Variants in CUX1 observed in about 807,000 individuals in gnomAD.
The protein encoded by CUX1 is protein CASP.
Under a neutral mutation model 158.8 loss-of-function variants are expected in CUX1, and 31 were observed. That is an observed-to-expected ratio of 0.20 (90% CI 0.15 to 0.26). The LOEUF is 0.26. Ranked by LOEUF, CUX1 falls within the 10% of genes least tolerant of loss-of-function variation. CUX1 has a pLI of 1.00. For missense variants in CUX1, 1,589 were observed against 2,014.6 expected (o/e 0.79, Z 4.04); for synonymous variants, 879 against 862.1 (o/e 1.02, Z -0.34).
chr7:102,143,585 G>T (rs1834696989), intron 8 of CUX1, among the ~76,000 whole-genome samples: 1 of 151,812 alleles, frequency 6.6e-6, no homozygotes, highest in African/African-American at 2.4e-5. Context: ...ATCATTTTCT[G>T]TGTCAAAGAA....
chr7:102,011,064 G>A (rs920847789), intron 2 of CUX1, among the ~76,000 whole-genome samples: 1 of 151,924 alleles, frequency 6.6e-6, no homozygotes, highest in African/African-American at 2.4e-5. Context: ...AGTGAGCCAA[G>A]ATCATGCCAT....
chr7:101,880,248 C>A (rs1016510508), intron 1 of CUX1, among the ~76,000 whole-genome samples: 3 of 152,146 alleles, frequency 2.0e-5, no homozygotes, highest in African/African-American at 7.2e-5. Flanking sequence ...TCAGAAAGTT[C>A]TCTTCCTGCT....
At position 101,842,967 on chromosome 7, in the gene CUX1, AC is replaced by A. The variant is rs1795326682; in HGVS notation, c.30+25300del. Among the ~76,000 whole-genome samples the A allele has an allele frequency of 2.1e-5, 3 of 143,894 alleles. No individual in the cohort carries two copies. The South Asian group carries it at 6.5e-4, about 31-fold the overall frequency. 94.4% of individuals were successfully genotyped at this position (143,894 alleles called of 152,430 possible). On this transcript the variant is annotated intron_variant, in intron 1 of 23. Coordinates refer to ENST00000292535, the MANE Select transcript of CUX1 (RefSeq NM_181552.4). Reference sequence around the variant, plus strand: ...GGCTCACTCCACCTCCCGGGTTCACACCATTCTCCTGCCTCAGCCTCCTGAG... The same window carrying A: ...GGCTCACTCCACCTCCCGGGTTCACACATTCTCCTGCCTCAGCCTCCTGAG...
At chr7:102,032,640 T>G (rs1365349713) in intron 3 of CUX1, among the ~76,000 whole-genome samples, 9 of 151,496 alleles carry the variant, frequency 5.9e-5, no homozygotes, top group Admixed American at 6.6e-5. Context: ...GCCACTGTAC[T>G]CTAGCCTGGG....
chr7:101,924,287 C>G (rs1377953516), intron 2 of CUX1, among the ~76,000 whole-genome samples: 1 of 152,078 alleles, frequency 6.6e-6, no homozygotes, highest in East Asian at 1.9e-4. Context: ...GGCCTGGGCC[C>G]AAACGCATTT....
chr7:102,014,858 C>CAAA (rs59972216), intron 2 of CUX1, among the ~76,000 whole-genome samples: 2 of 127,920 alleles, frequency 1.6e-5, no homozygotes, highest in Admixed American at 8.2e-5. Flanking sequence ...CCCCAACCAC[C>CAAA]AAAAAAAAAA....
At chr7:102,039,423 ACAGGCGGCT>A (rs1356582692) in intron 3 of CUX1, among the ~76,000 whole-genome samples, 5 of 151,798 alleles carry the variant, frequency 3.3e-5, no homozygotes, top group African/African-American at 4.8e-5. Flanking sequence ...AGAGGCCGAG[ACAGGCGGCT>A]CACTTGAGCC....
In CUX1 at chr7:102,280,002, A is replaced by C. The variant is rs567999317; in HGVS notation, c.1681-35A>C. ...TGCCCTTCCCGCTGGGCCCCAAGGCACTGACTGGTTCTCTTCCCCTCCCTG... is the reference window on the plus strand; with the variant it reads ...TGCCCTTCCCGCTGGGCCCCAAGGCCCTGACTGGTTCTCTTCCCCTCCCTG... On this transcript the variant is annotated intron_variant, in intron 18 of 22. Transcript: ENST00000292538. 124 of 1,453,074 alleles carry C rather than the reference A, an allele frequency of 8.5e-5. 2 individuals are homozygous for C. The South Asian group carries it at 1.3e-3, about 16-fold the overall frequency. The allele number at this position is 1,453,074 out of a possible 1,614,324, so 90.0% of individuals were successfully genotyped here.
At chr7:101,902,033 G>T (rs952472815) in intron 1 of CUX1, among the ~76,000 whole-genome samples, 5 of 152,206 alleles carry the variant, frequency 3.3e-5, no homozygotes, top group Admixed American at 6.5e-5. Flanking sequence ...GCAGTGGCAG[G>T]ACTATTTTGA....
At chr7:102,009,115 T>A (rs567679468) in intron 2 of CUX1, among the ~76,000 whole-genome samples, 1 of 152,192 alleles carries the variant, frequency 6.6e-6, no homozygotes, top group Non-Finnish European at 1.5e-5. Flanking sequence ...CAGCATGGTG[T>A]AGTAGCTTTG....
intron 11 of CUX1, 123 bp downstream of exon 11, chr7:102,178,780 G>A: frequency 9.5e-7 from 1 of 1,048,284 alleles, no homozygotes; most frequent in Non-Finnish European, 1.4e-6. Context: ...TTGAACCTCT[G>A]TAAAGTAGCA....
intron 2 of CUX1, among the ~76,000 whole-genome samples, chr7:102,011,276 G>C (rs535551993): frequency 6.6e-6 from 1 of 151,936 alleles, no homozygotes; most frequent in Non-Finnish European, 1.5e-5. Flanking sequence ...CACTGAGAGC[G>C]CAGTGGGCGT....
chr7:102,232,871 G>A (rs189995404), intron 21 of CUX1, among the ~76,000 whole-genome samples: 5 of 152,334 alleles, frequency 3.3e-5, no homozygotes, highest in East Asian at 3.9e-4. Context: ...AGCAAAGGCA[G>A]CCTAGACTGC....
At chr7:102,043,369 G>A (rs1001243500) in intron 3 of CUX1, among the ~76,000 whole-genome samples, 1 of 148,190 alleles carries the variant, frequency 6.7e-6, no homozygotes, top group African/African-American at 2.5e-5. Flanking sequence ...GTGTGTGTGT[G>A]TTGAGAACAC....
At chr7:101,842,755 C>G (rs1795296843) in intron 1 of CUX1, among the ~76,000 whole-genome samples, 2 of 149,958 alleles carry the variant, frequency 1.3e-5, no homozygotes, top group Admixed American at 1.3e-4. Flanking sequence ...CATGTATGAT[C>G]ATGATCATGA....
At chr7:101,833,038 C>G (rs1794233535) in intron 1 of CUX1, among the ~76,000 whole-genome samples, 1 of 152,100 alleles carries the variant, frequency 6.6e-6, no homozygotes, top group Non-Finnish European at 1.5e-5. Flanking sequence ...GCATTCTTCT[C>G]TGATTCATGT....
At chr7:101,910,776 A>G (rs1803344862) in intron 1 of CUX1, among the ~76,000 whole-genome samples, 1 of 152,060 alleles carries the variant, frequency 6.6e-6, no homozygotes, top group African/African-American at 2.4e-5. Context: ...GCAAATCCAA[A>G]TGGATCTCTG....
Position 102,168,928 on chromosome 7 carries a change from C to CTT in CUX1, c.724-1515_724-1514dup, listed in dbSNP as rs1343334279. Among the ~76,000 whole-genome samples, 150 of 34,028 alleles carry CTT rather than the reference C, an allele frequency of 4.4e-3. 1 individual carries two copies. Among genetic ancestry groups the CTT allele is most frequent in the South Asian group, 0.014 (20 of 1,436 alleles). The allele number at this position is 34,028 out of a possible 152,430, so 22.3% of individuals were successfully genotyped here. On this transcript the variant is annotated intron_variant, in intron 9 of 23. Coordinates refer to ENST00000292535, the MANE Select transcript of CUX1 (RefSeq NM_181552.4). ...CTTTTCTTTTATTTTCTTTTCTTTT[C>CTT]TTTTATTTTCTTTTTTTTTTTGAGA...
intron 23 of CUX1, among the ~76,000 whole-genome samples, chr7:102,244,642 A>G (rs563909540): frequency 6.6e-6 from 1 of 152,252 alleles, no homozygotes; most frequent in Admixed American, 6.5e-5. Context: ...GTGAGCTGTG[A>G]TCATGCCATT....
Sources: allele counts gnomAD v4.1 joint callset (sites outside exome capture counted in the v4.1 genomes callset), GRCh38; gene constraint gnomAD v4.1.1; transcripts MANE v1.5; gene names NCBI Gene and HGNC (gene_info 2026-07-23, HGNC 2026-07-21).